The following MEF2C variants were observed in gnomAD, a reference collection of about 807,000 sequenced individuals.
MEF2C encodes myocyte enhancer factor 2C.
A neutral mutation model predicts 50.5 loss-of-function variants in MEF2C; 6 were observed. The observed-to-expected ratio is 0.12, with a 90% CI of 0.07 to 0.23. The LOEUF (loss-of-function observed/expected upper bound fraction) is 0.23. Ranked by LOEUF, MEF2C falls within the 10% of genes least tolerant of loss-of-function variation. The pLI is 1.00. For synonymous variants in MEF2C, 183 were observed against 228.0 expected (o/e 0.80, Z 1.78); for missense variants, 276 against 605.0 (o/e 0.46, Z 5.70).
At chr5:88,835,537 C>A (rs184288265) in intron 1 of MEF2C, among the ~76,000 whole-genome samples, 1 of 151,890 alleles carries the variant, frequency 6.6e-6, no homozygotes, top group Non-Finnish European at 1.5e-5. Context: ...ACAGGCCTGG[C>A]GCAGTGGCTC....
At chr5:88,850,705 CAT>C (rs1324160124) in intron 1 of MEF2C, among the ~76,000 whole-genome samples, 2 of 151,940 alleles carry the variant, frequency 1.3e-5, no homozygotes, top group Non-Finnish European at 2.9e-5. Flanking sequence ...CACATATACA[CAT>C]ACACACACAC....
intron 1 of MEF2C, among the ~76,000 whole-genome samples, chr5:88,900,720 T>A (rs1046497913): frequency 3.9e-5 from 6 of 152,086 alleles, no homozygotes; most frequent in African/African-American, 1.4e-4. Context: ...TCACATTAAT[T>A]TTCCATGTGA....
At chr5:88,882,474 C>G (rs1166778108) in intron 1 of MEF2C, among the ~76,000 whole-genome samples, 1 of 152,180 alleles carries the variant, frequency 6.6e-6, no homozygotes, top group African/African-American at 2.4e-5. Flanking sequence ...TTAGGTCAAA[C>G]TAATCCCAAG....
chr5:88,880,893 A>T (rs948206584), intron 1 of MEF2C: 1 of 152,124 alleles, frequency 6.6e-6, no homozygotes, highest in Non-Finnish European at 1.5e-5. Context: ...TTATTGAAAT[A>T]AAAAACAAAT....
At chr5:88,806,077 G>C (rs890344516) in intron 2 of MEF2C, among the ~76,000 whole-genome samples, 8 of 151,930 alleles carry the variant, frequency 5.3e-5, no homozygotes, top group African/African-American at 1.9e-4. Flanking sequence ...ACCTATTGCT[G>C]ACATATCGTT....
chr5:88,796,989 CTGTT>C (rs1385314649), intron 3 of MEF2C, among the ~76,000 whole-genome samples: 2 of 152,158 alleles, frequency 1.3e-5, no homozygotes, highest in African/African-American at 2.4e-5. Flanking sequence ...GTCTGAGAGA[CTGTT>C]TGTTATGATT....
At chr5:88,862,157 T>C (rs999236795) in intron 1 of MEF2C, among the ~76,000 whole-genome samples, 1 of 152,248 alleles carries the variant, frequency 6.6e-6, no homozygotes, top group African/African-American at 2.4e-5. Context: ...GAGATCATTA[T>C]CTAATCCCTG....
chr5:88,749,467 C>T (rs1771562063), intron 5 of MEF2C: 1 of 984,810 alleles, frequency 1.0e-6, no homozygotes, highest in Non-Finnish European at 1.2e-6. Flanking sequence ...GCTCAGATGA[C>T]CTCACATTTG....
intron 3 of MEF2C, among the ~76,000 whole-genome samples, chr5:88,797,663 A>G (rs1460701585): frequency 6.6e-6 from 1 of 151,782 alleles, no homozygotes. Context: ...TAATATTGTT[A>G]TGTGTGAAGT....
At chr5:88,762,140 G>C (rs1300057602) in intron 3 of MEF2C, among the ~76,000 whole-genome samples, 3 of 152,188 alleles carry the variant, frequency 2.0e-5, no homozygotes, top group Non-Finnish European at 2.9e-5. Flanking sequence ...ACTGACACAT[G>C]AAAGTAAAAA....
At chr5:88,732,984 G>A in intron 6 of MEF2C, 2 of 687,932 alleles carry the variant, frequency 2.9e-6, no homozygotes, top group Non-Finnish European at 3.6e-6. Flanking sequence ...CAGTGAGGAT[G>A]CAAAGACAAG....
intron 3 of MEF2C, among the ~76,000 whole-genome samples, chr5:88,797,734 T>C (rs982431904): frequency 6.6e-6 from 1 of 152,164 alleles, no homozygotes; most frequent in Non-Finnish European, 1.5e-5. Context: ...AGTTTCTTCA[T>C]AGTGTCAATG....
upstream of MEF2C, chr5:88,883,682 C>G (rs953812318): frequency 2.0e-5 from 3 of 152,108 alleles, no homozygotes; most frequent in African/African-American, 7.3e-5. Context: ...TTCTCTCCGT[C>G]TCTCTCTCCC....
intron 3 of MEF2C, chr5:88,782,066 G>A (rs750073028): frequency 4.7e-5 from 41 of 865,734 alleles, no homozygotes; most frequent in Non-Finnish European, 4.4e-5. Context: ...GCAACCTAGC[G>A]AGACTCTGTC....
chr5:88,755,253 G>A (rs535621819), intron 4 of MEF2C, among the ~76,000 whole-genome samples: 1 of 152,236 alleles, frequency 6.6e-6, no homozygotes, highest in South Asian at 2.1e-4. Context: ...TACTTATTGA[G>A]CAGGCACTGT....
At chr5:88,804,861 T>C (rs1409491788) in intron 2 of MEF2C, 60 bp from the exon 3 acceptor site, 10 of 1,404,920 alleles carry the variant, frequency 7.1e-6, no homozygotes, top group Non-Finnish European at 9.8e-6. Flanking sequence ...GTGGTTTTTT[T>C]CTTTTCTTTT....
chr5:88,735,028 C>A, intron 6 of MEF2C: 1 of 985,352 alleles, frequency 1.0e-6, no homozygotes, highest in Non-Finnish European at 1.2e-6. Context: ...CTGTTTCCAG[C>A]CACCAAATTG....
At chr5:88,812,625 G>A (rs1231220201) in intron 2 of MEF2C, among the ~76,000 whole-genome samples, 4 of 151,958 alleles carry the variant, frequency 2.6e-5, no homozygotes, top group Non-Finnish European at 5.9e-5. Flanking sequence ...GAAGTTCAAC[G>A]ATTTTATAAT....
chr5:88,776,900 C>T (rs1360928726), intron 3 of MEF2C, among the ~76,000 whole-genome samples: 5 of 152,198 alleles, frequency 3.3e-5, no homozygotes, highest in African/African-American at 1.2e-4. Context: ...TCAACAAGGC[C>T]AAGTGCATGC....
Sources: gnomAD v4.1 joint callset for allele counts (sites outside exome capture counted in the v4.1 genomes callset) on GRCh38, gnomAD v4.1.1 for gene constraint, MANE v1.5 for transcripts, NCBI Gene and HGNC (gene_info 2026-07-23, HGNC 2026-07-21) for gene names.